The following KIF6 variants were observed in gnomAD, a reference collection of about 807,000 sequenced individuals.
KIF6 encodes the protein kinesin-like protein KIF6.
A neutral mutation model predicts 112.7 loss-of-function variants in KIF6; 106 were observed. That is an observed-to-expected ratio of 0.94 (90% CI 0.80 to 1.11). The LOEUF is 1.11. Ranked by LOEUF, KIF6 falls within the 50% of genes least tolerant of loss-of-function variation. The pLI is 0.00. For missense variants in KIF6, 929 were observed against 964.0 expected, an observed-to-expected ratio of 0.96 and a Z score of 0.48; for synonymous variants, 339 against 339.9, an observed-to-expected ratio of 1.00 and a Z score of 0.03.
chr6:39,449,526 C>T (rs746422013), intron 13 of KIF6, among the ~76,000 whole-genome samples: 8 of 152,330 alleles, frequency 5.3e-5, no homozygotes, highest in Non-Finnish European at 1.2e-4. Context: ...CAGTTTGCAG[C>T]TCCCTTGTCC....
intron 13 of KIF6, among the ~76,000 whole-genome samples, chr6:39,471,466 G>A (rs143599478): frequency 6.0e-4 from 91 of 152,240 alleles, no homozygotes; most frequent in African/African-American, 2.0e-3. Flanking sequence ...CAGGGCCAGC[G>A]CTCGACACTC....
At chr6:39,503,514 C>T (rs186390142) in intron 13 of KIF6, among the ~76,000 whole-genome samples, 13,169 of 149,836 alleles carry the variant, frequency 0.088, 840 homozygotes, top group South Asian at 0.2. Flanking sequence ...AAAACCCCTT[C>T]AAAAAAAAAT....
intron 10 of KIF6, among the ~76,000 whole-genome samples, chr6:39,561,666 CTT>C (rs1404359363): frequency 6.6e-6 from 1 of 152,076 alleles, no homozygotes; most frequent in Admixed American, 6.5e-5. Context: ...CAACTCAAAT[CTT>C]TTATGCACAA....
At chr6:39,509,666 AG>A (rs1456268573) in intron 13 of KIF6, among the ~76,000 whole-genome samples, 1 of 152,204 alleles carries the variant, frequency 6.6e-6, no homozygotes, top group Non-Finnish European at 1.5e-5. Flanking sequence ...TAAAGCATGA[AG>A]ACAAGAATAG....
In KIF6 at chr6:39,336,404, A is replaced by C. The variant is rs1289943848; in HGVS notation, c.*128T>G. 4.6e-6 allele frequency: 4 copies of C among 877,240 alleles called. No homozygotes were observed. In the African/African-American group the frequency reaches 5.0e-5, roughly 11 times the overall value. The allele number at this position is 877,240 out of a possible 1,614,324, so 54.3% of individuals were successfully genotyped here. On this transcript the variant is annotated 3_prime_UTR_variant, in exon 23 of 23. Coordinates refer to ENST00000287152, the MANE Select transcript of KIF6 (RefSeq NM_145027.6). ...AAAGAAACACAGTCCCCTCCATGGG[A>C]ATCAAAGTCACTAGTTGCTCCCAGC...
intron 15 of KIF6, among the ~76,000 whole-genome samples, chr6:39,406,860 T>C: frequency 6.6e-6 from 1 of 152,202 alleles, no homozygotes; most frequent in South Asian, 2.1e-4. Context: ...GAAATCCTCC[T>C]GCCTCAGCCT....
At chr6:39,604,827 T>C (rs2150703825) in intron 6 of KIF6, among the ~76,000 whole-genome samples, 1 of 152,294 alleles carries the variant, frequency 6.6e-6, no homozygotes, top group African/African-American at 2.4e-5. Flanking sequence ...GATGGATTTT[T>C]GACTTTTACA....
At chr6:39,337,307 C>T (rs1468182753) in intron 22 of KIF6, among the ~76,000 whole-genome samples, 1 of 140,274 alleles carries the variant, frequency 7.1e-6, no homozygotes, top group Non-Finnish European at 1.5e-5. Flanking sequence ...TTCCTTCCTT[C>T]TTTCTTTTTC....
intron 15 of KIF6, among the ~76,000 whole-genome samples, chr6:39,409,157 T>C (rs1237114813): frequency 2.0e-5 from 3 of 152,208 alleles, no homozygotes; most frequent in Non-Finnish European, 2.9e-5. Context: ...CTCTACTTCT[T>C]TGACTCTTGC....
Position 39,725,396 on chromosome 6 carries a change from T to C in KIF6, c.-86A>G, listed in dbSNP as rs948993487. On this transcript the variant is annotated 5_prime_UTR_variant, in exon 1 of 23. Coordinates refer to ENST00000287152, the MANE Select transcript of KIF6 (RefSeq NM_145027.6). Reference sequence around the variant, plus strand: ...TCCCACCACCTCCGGCGACCCACAGTCTTAGCAACAGTAGCTAGGGACACT... The same window carrying C: ...TCCCACCACCTCCGGCGACCCACAGCCTTAGCAACAGTAGCTAGGGACACT... 35 of 1,072,682 alleles carry C rather than the reference T, an allele frequency of 3.3e-5. No individual in the cohort carries two copies. The highest frequency in any genetic ancestry group is 4.8e-5 in the Non-Finnish European group (34 of 712,000). 66.4% of individuals were successfully genotyped at this position (1,072,682 alleles called of 1,614,324 possible). A position where few individuals can be genotyped will look rare whatever the true frequency, so the allele number is the denominator to read the frequency against.
chr6:39,724,902 A>G lies in KIF6; in HGVS notation c.66+343T>C, dbSNP rs781745039. On this transcript the variant is annotated intron_variant, in intron 1 of 22. Coordinates refer to ENST00000287152, the MANE Select transcript of KIF6 (RefSeq NM_145027.6). ...TGCGTGAGTTTCCCAGAAAGGTGCA[A>G]TAAGTGCTTATGTGTAGTTGAAGCG... 8.5e-5 allele frequency among the ~76,000 whole-genome samples: 13 copies of G among 152,202 alleles called. 1 individual carries two copies. The highest frequency in any genetic ancestry group is 1.8e-4 in the Non-Finnish European group (12 of 68,026).
rs1007931753 is a variant in KIF6, at chr6:39,540,060, G to C, written c.1588C>G (p.Gln530Glu). ...QRMRLSSAPS[Q>E]AQDFSILGKR... is the part of the protein sequence containing the mutation. Reference sequence around the variant, plus strand: ...CCCAAAATGCTGAAGTCCTGGGCCTGTGAGGGAGCTGAGGATAGTCGCATT... The same window carrying C: ...CCCAAAATGCTGAAGTCCTGGGCCTCTGAGGGAGCTGAGGATAGTCGCATT... Residue 530 changes from glutamine (Q) to glutamate (E), a missense_variant, in exon 13 of 23, where the codon CAG (glutamine) becomes GAG (glutamate). Physicochemically the swap from Gln to Glu is conservative, Grantham distance 29. Transcript: ENST00000287152. The C allele has an allele frequency of 7.4e-6, 12 of 1,614,036 alleles. No individual in the cohort carries two copies. Among genetic ancestry groups the C allele is most frequent in the Non-Finnish European group, 1.0e-5 (12 of 1,179,990 alleles).
chr6:39,357,403 G>T, intron 18 of KIF6, 29 bp from the exon 19 acceptor site: 8 of 1,320,930 alleles, frequency 6.1e-6, no homozygotes, highest in Non-Finnish European at 7.6e-6. Flanking sequence ...GTTTCACAGT[G>T]TTAGCTTGAA....
At chr6:39,372,276 A>G (rs1766067635) in intron 16 of KIF6, among the ~76,000 whole-genome samples, 1 of 152,192 alleles carries the variant, frequency 6.6e-6, no homozygotes. Context: ...TGGGAGAACA[A>G]CAAAAAAGTA....
Position 39,355,705 on chromosome 6 carries a change from G to A in KIF6, c.2180+1572C>T, listed in dbSNP as rs1416766615. Among the ~76,000 whole-genome samples, 9 of 151,590 alleles carry A rather than the reference G, an allele frequency of 5.9e-5. No individual in the cohort carries two copies. The East Asian group carries it at 1.7e-3, about 29-fold the overall frequency. On this transcript the variant is annotated intron_variant, in intron 19 of 22. Transcript: ENST00000287152. Reference sequence around the variant, plus strand: ...TTGAACTCCTGACCTCAGGTGATCCGCCCGTCTCAGCCTCCCAAAATGCTG... The same window carrying A: ...TTGAACTCCTGACCTCAGGTGATCCACCCGTCTCAGCCTCCCAAAATGCTG...
At chr6:39,492,641 G>A (rs1052900538) in intron 13 of KIF6, among the ~76,000 whole-genome samples, 7 of 152,186 alleles carry the variant, frequency 4.6e-5, no homozygotes, top group Non-Finnish European at 8.8e-5. Flanking sequence ...TGACTGTTGT[G>A]TGCCTCCCCC....
intron 3 of KIF6, among the ~76,000 whole-genome samples, chr6:39,670,821 A>C (rs762253241): frequency 2.0e-5 from 3 of 152,138 alleles, no homozygotes; most frequent in African/African-American, 4.8e-5. Flanking sequence ...TGGCTGTTTG[A>C]ATAAGGGTAG....
intron 10 of KIF6, among the ~76,000 whole-genome samples, chr6:39,574,142 A>G (rs1020804690): frequency 1.3e-5 from 2 of 152,226 alleles, no homozygotes; most frequent in Admixed American, 1.3e-4. Flanking sequence ...AACTCTTGTG[A>G]AAGAAAAATT....
chr6:39,681,856 A>G (rs1787540095), intron 3 of KIF6, among the ~76,000 whole-genome samples: 1 of 152,234 alleles, frequency 6.6e-6, no homozygotes, highest in Non-Finnish European at 1.5e-5. Context: ...CTGTATTGGC[A>G]TTATGTACAA....
Sources: allele counts gnomAD v4.1 joint callset (sites outside exome capture counted in the v4.1 genomes callset), GRCh38; gene constraint gnomAD v4.1.1; transcripts MANE v1.5; gene names NCBI Gene and HGNC (gene_info 2026-07-23, HGNC 2026-07-21).